LILRA6: variants seen among roughly 807,000 people sequenced by gnomAD.
LILRA6 encodes the protein leukocyte immunoglobulin like receptor A6, also known as leukocyte immunoglobulin-like receptor subfamily A member 6.
Under a neutral mutation model 53.9 loss-of-function variants are expected in LILRA6, and 16 were observed. The observed-to-expected ratio is 0.30, with a 90% CI of 0.20 to 0.45. The LOEUF is 0.45. Among genes scored for constraint, LILRA6 ranks in the 20% least tolerant of loss-of-function variants. The probability of loss-of-function intolerance (pLI) is 1.00; values close to 1 mark genes in which losing one functional copy is unlikely to be tolerated. For missense variants in LILRA6, 306 were observed against 618.6 expected, an observed-to-expected ratio of 0.49 and a Z score of 5.36; for synonymous variants, 135 against 256.4, an observed-to-expected ratio of 0.53 and a Z score of 4.52.
At chr19:54,241,086 C>T (rs1373464113) in exon 5 of LILRA6, 2 of 1,605,088 alleles carry the variant, frequency 1.2e-6, no homozygotes, top group East Asian at 2.2e-5. Context: ...GGGGCCAGGA[C>T]AGGGCCCTGC....
exon 8 of LILRA6, chr19:54,238,921 C>G: frequency 6.2e-7 from 1 of 1,605,726 alleles, no homozygotes; most frequent in South Asian, 1.1e-5. Context: ...GAGGCTCCAC[C>G]ACGCTGAAGG....
chr19:54,239,816 C>G, intron 7 of LILRA6, 85 bp downstream of exon 7: 1 of 1,550,732 alleles, frequency 6.4e-7, no homozygotes, highest in Non-Finnish European at 8.7e-7. Context: ...CAAGCCCGTC[C>G]TTGAGGGGAG....
exon 3 of LILRA6, chr19:54,242,130 G>T (rs781027419): frequency 1.9e-5 from 26 of 1,393,438 alleles, no homozygotes; most frequent in Non-Finnish European, 2.5e-5. Context: ...GGATGGGATG[G>T]AGAATCTGGC....
intron 7 of LILRA6, chr19:54,239,635 G>C: frequency 1.4e-6 from 2 of 1,386,254 alleles, no homozygotes; most frequent in Non-Finnish European, 2.0e-6. Context: ...CTGACCCTGG[G>C]GGGTTGAGGG....
At chr19:54,239,404 T>A (rs1266364541) in intron 7 of LILRA6, 9 of 670,702 alleles carry the variant, frequency 1.3e-5, no homozygotes, top group Non-Finnish European at 1.9e-5. Flanking sequence ...CTCCCTCCAG[T>A]CTCCTCATGA....
intron 2 of LILRA6, 29 bp downstream of exon 2, chr19:54,242,490 G>A: frequency 9.3e-7 from 1 of 1,078,164 alleles, no homozygotes; most frequent in Non-Finnish European, 1.3e-6. Context: ...TAAGGATGAG[G>A]GACCTGGGAC....
At chr19:54,238,762 A>C (rs1345759214) in exon 8 of LILRA6, 2 of 1,017,728 alleles carry the variant, frequency 2.0e-6, no homozygotes, top group Non-Finnish European at 2.7e-6. Context: ...TCAACTGGGC[A>C]TTCACAACAT....
downstream of LILRA6, chr19:54,238,334 C>A (rs2078664010): frequency 6.6e-6 from 1 of 151,154 alleles, no homozygotes; most frequent in Non-Finnish European, 1.5e-5. Context: ...CCGCGCCCGG[C>A]CATGTTTCTT....
intron 4 of LILRA6, 139 bp from the exon 5 acceptor site, chr19:54,241,266 T>C: frequency 8.1e-7 from 1 of 1,235,396 alleles, no homozygotes; most frequent in South Asian, 1.7e-5. Context: ...CCCGGGGCTG[T>C]CTTGGAGTCA....
At chr19:54,240,453 C>T (rs1555893090) in exon 6 of LILRA6, 1 of 1,600,518 alleles carries the variant, frequency 6.2e-7, no homozygotes, top group Non-Finnish European at 8.5e-7. Context: ...ATGGGCTGCC[C>T]CTTCTTTGGT....
chr19:54,242,230 C>G (rs760222754), exon 3 of LILRA6: 2 of 1,422,874 alleles, frequency 1.4e-6, no homozygotes, highest in Admixed American at 3.7e-5. Flanking sequence ...TCCAGGCTCC[C>G]CTGACACCAG....
intron 7 of LILRA6, chr19:54,239,330 T>C: frequency 7.7e-7 from 1 of 1,293,932 alleles, no homozygotes; most frequent in Non-Finnish European, 1.0e-6. Flanking sequence ...TTCTTATTCT[T>C]CCAGGCCTCA....
At chr19:54,238,848 C>T (rs2147505007) in exon 8 of LILRA6, 1 of 1,520,082 alleles carries the variant, frequency 6.6e-7, no homozygotes, top group African/African-American at 1.4e-5. Context: ...CCTGAAATCT[C>T]ACCCCCCTCT....
chr19:54,239,281 G>T, intron 7 of LILRA6, 192 bp from the exon 8 acceptor site: 1 of 1,489,572 alleles, frequency 6.7e-7, no homozygotes, highest in South Asian at 1.3e-5. Context: ...CAAAACAGAA[G>T]GGGAGAGCCC....
chr19:54,240,508 T>C, exon 6 of LILRA6: 1 of 1,606,116 alleles, frequency 6.2e-7, no homozygotes, highest in South Asian at 1.1e-5. Flanking sequence ...CACAGCAGGG[T>C]CACGTTCTCT....
At chr19:54,240,402 T>C in exon 6 of LILRA6, 1 of 1,608,368 alleles carries the variant, frequency 6.2e-7, no homozygotes, top group Non-Finnish European at 8.5e-7. Context: ...TTCAGCCTGG[T>C]ACTTATGAGC....
intron 7 of LILRA6, chr19:54,239,337 C>G (rs2078685735): frequency 8.0e-7 from 1 of 1,252,804 alleles, no homozygotes; most frequent in Middle Eastern, 2.7e-4. Flanking sequence ...TCTTCCAGGC[C>G]TCATGACGTG....
At chr19:54,236,681 A>G (rs2078645736), downstream of LILRA6, 1 of 151,120 alleles carries the variant, frequency 6.6e-6, no homozygotes. Flanking sequence ...ATGGATAAGG[A>G]ACATGTGGTC....
At chr19:54,241,427 C>T (rs1293296604) in intron 4 of LILRA6, 149 bp downstream of exon 4, 1 of 1,101,586 alleles carries the variant, frequency 9.1e-7, no homozygotes, top group African/African-American at 1.8e-5. Context: ...CCTCCCATGT[C>T]AGAGCCTCCC....
Sources: gnomAD v4.1 joint callset for allele counts on GRCh38, gnomAD v4.1.1 for gene constraint, MANE v1.5 for transcripts, NCBI Gene and HGNC (gene_info 2026-07-23, HGNC 2026-07-21) for gene names.